Variants in ADGRB1 observed in about 807,000 individuals in gnomAD.
ADGRB1 encodes the protein brain-specific angiogenesis inhibitor 1.
A neutral mutation model predicts 175.7 loss-of-function variants in ADGRB1; 36 were observed. The ratio of observed to expected loss-of-function variants is 0.20; its 90% CI spans 0.16 to 0.27. ADGRB1 has a LOEUF of 0.27. Ranked by LOEUF, ADGRB1 falls within the 10% of genes least tolerant of loss-of-function variation. The pLI, the probability that ADGRB1 is intolerant of heterozygous loss-of-function variation, is 1.00. For missense variants in ADGRB1, 1,731 were observed against 2,255.3 expected (o/e 0.77, Z 4.71); for synonymous variants, 1,054 against 979.4 (o/e 1.08, Z -1.42).
chr8:142,506,508 T>C (rs1842860536), intron 17 of ADGRB1, among the ~76,000 whole-genome samples: 1 of 152,206 alleles, frequency 6.6e-6, no homozygotes, highest in African/African-American at 2.4e-5. Flanking sequence ...GGGACCTCGC[T>C]CTGTGACCCA....
chr8:142,523,166 A>C (rs776528529), intron 22 of ADGRB1, among the ~76,000 whole-genome samples: 1 of 152,132 alleles, frequency 6.6e-6, no homozygotes, highest in Non-Finnish European at 1.5e-5. Flanking sequence ...TGTCACTGAG[A>C]CCCTGAAGGG....
rs1843079131 is a variant in ADGRB1, at chr8:142,511,150, G to A, written c.2817+77G>A. The A allele has an allele frequency of 1.0e-6, 1 of 996,054 alleles. No homozygotes were observed. The allele number at this position is 996,054 out of a possible 1,614,324, so 61.7% of individuals were successfully genotyped here. On this transcript the variant is annotated intron_variant, in intron 18 of 30. Transcript: ENST00000517894. This position sits in a 1 kb window ranked among gnomAD's most constrained non-coding sequence, Gnocchi z 4.5. ...GGGGCTGCCGGCGGGCCTGCGGGTGGGGAGGGCCCGCACCCGTCCTGTCCC... is the reference window on the plus strand; with the variant it reads ...GGGGCTGCCGGCGGGCCTGCGGGTGAGGAGGGCCCGCACCCGTCCTGTCCC...
chr8:142,489,808 C>T (rs956436609), intron 16 of ADGRB1, among the ~76,000 whole-genome samples: 9 of 152,120 alleles, frequency 5.9e-5, no homozygotes, highest in African/African-American at 2.2e-4. Context: ...CACCCTCTGC[C>T]GGCACCGCCA....
intron 23 of ADGRB1, among the ~76,000 whole-genome samples, chr8:142,525,885 C>T (rs1844146473): frequency 6.6e-6 from 1 of 152,100 alleles, no homozygotes; most frequent in Non-Finnish European, 1.5e-5. Context: ...GAGAGTATGG[C>T]CTGAGACTCC....
At chr8:142,454,496 G>A (rs1388470416) in intron 1 of ADGRB1, among the ~76,000 whole-genome samples, 1 of 152,196 alleles carries the variant, frequency 6.6e-6, no homozygotes, top group Non-Finnish European at 1.5e-5. Flanking sequence ...ACACGCAGAG[G>A]GGAAGGAGCG....
At chr8:142,538,942 C>A (rs751320928) in intron 26 of ADGRB1, among the ~76,000 whole-genome samples, 2 of 152,152 alleles carry the variant, frequency 1.3e-5, no homozygotes, top group Non-Finnish European at 2.9e-5. Flanking sequence ...AGCTCCCAGA[C>A]GCCTTGGAGA....
Position 142,481,619 on chromosome 8 carries a change from A to G in ADGRB1, c.2038A>G (p.Ser680Gly). 6.2e-7 allele frequency: 1 copy of G among 1,606,398 alleles called. No homozygotes were observed. The highest frequency in any genetic ancestry group is 1.1e-5 in the South Asian group (1 of 89,240). ...VEISQDGTSYSGDLLSTIDVL... is the reference protein window; with the variant it reads ...VEISQDGTSYGGDLLSTIDVL... ...GATCTCTCAGGACGGGACCAGCTAC[A>G]GTGGGGACCTGCTGTCCACCATCGA... Residue 680 changes from serine (S) to glycine (G), a missense_variant, in exon 11 of 31, where the codon AGT (serine) becomes GGT (glycine). Around this residue, in one of 8 missense-constraint regions of ADGRB1, gnomAD observed 388 missense variants for 630.9 expected, o/e 0.61. Coordinates refer to ENST00000517894, the MANE Select transcript of ADGRB1 (RefSeq NM_001702.3).
intron 2 of ADGRB1, among the ~76,000 whole-genome samples, chr8:142,472,751 G>C (rs1312806626): frequency 3.3e-5 from 5 of 152,160 alleles, no homozygotes; most frequent in African/African-American, 1.2e-4. Flanking sequence ...AACAGGATCA[G>C]GAATTCTGTG....
At chr8:142,539,805 C>A in intron 27 of ADGRB1, 1 of 294,322 alleles carries the variant, frequency 3.4e-6, no homozygotes. Flanking sequence ...CTCCTGCCCA[C>A]CGCCCTCTAG....
intron 18 of ADGRB1, among the ~76,000 whole-genome samples, chr8:142,516,136 C>T (rs530211713): frequency 1.6e-4 from 25 of 151,814 alleles, no homozygotes; most frequent in Non-Finnish European, 3.1e-4. Context: ...GGGCGTCAGT[C>T]GTGTGTGCGG....
intron 19 of ADGRB1, among the ~76,000 whole-genome samples, 151 bp downstream of exon 19, chr8:142,518,392 A>C (rs13281945): frequency 1 from 152,103 of 152,106 alleles, 76,050 homozygotes; most frequent in Middle Eastern, 1. Flanking sequence ...GGAACCAGCC[A>C]TGCTGTGGCC....
At chr8:142,454,530 C>G (rs1374355157) in intron 1 of ADGRB1, among the ~76,000 whole-genome samples, 1 of 152,146 alleles carries the variant, frequency 6.6e-6, no homozygotes, top group Non-Finnish European at 1.5e-5. Flanking sequence ...ACAGACCGCA[C>G]GATCCAGAAG....
At chr8:142,472,266 C>G (rs545016905) in intron 2 of ADGRB1, among the ~76,000 whole-genome samples, 1 of 152,318 alleles carries the variant, frequency 6.6e-6, no homozygotes, top group South Asian at 2.1e-4. Flanking sequence ...GGAAGGACAC[C>G]AGGAGGCCTC....
chr8:142,489,024 C>T lies in ADGRB1; in HGVS notation c.2453-11C>T. ...ATGGCGGGCCGGGGTTGACAGTGCACTTTCTTCCAGAGGCCGATGAAGCAT... is the reference window on the plus strand; with the variant it reads ...ATGGCGGGCCGGGGTTGACAGTGCATTTTCTTCCAGAGGCCGATGAAGCAT... On this transcript the variant is annotated splice_polypyrimidine_tract_variant and intron_variant, in intron 14 of 30. Transcript: ENST00000517894. The T allele has an allele frequency of 4.3e-6, 7 of 1,611,122 alleles. No homozygotes were observed. The highest frequency in any genetic ancestry group is 5.9e-6 in the Non-Finnish European group (7 of 1,179,312).
At chr8:142,533,264 G>T in intron 24 of ADGRB1, 31 bp from the exon 25 acceptor site, 1 of 1,473,482 alleles carries the variant, frequency 6.8e-7, no homozygotes, top group Non-Finnish European at 9.0e-7. Context: ...GCAGGGGCGG[G>T]GGCGGCAGCG....
At chr8:142,533,540 G>A (rs959310011) in intron 25 of ADGRB1, 74 bp downstream of exon 25, 15 of 1,468,758 alleles carry the variant, frequency 1.0e-5, no homozygotes, top group Admixed American at 6.1e-5. Flanking sequence ...CTCCTTCCCC[G>A]AGGACCTCGG....
chr8:142,541,626 C>G (rs1293202425), intron 27 of ADGRB1, among the ~76,000 whole-genome samples: 1 of 152,222 alleles, frequency 6.6e-6, no homozygotes, highest in African/African-American at 2.4e-5. Context: ...CAAGGCCGCC[C>G]TCGCCTGCTC....
intron 27 of ADGRB1, 196 bp downstream of exon 27, chr8:142,539,609 C>T (rs1410323527): frequency 9.3e-6 from 6 of 647,480 alleles, no homozygotes; most frequent in Non-Finnish European, 1.6e-5. Flanking sequence ...CCCCCGTCCA[C>T]TTCCTGAGGC....
chr8:142,489,720 C>T (rs1165346614), intron 16 of ADGRB1, among the ~76,000 whole-genome samples: 2 of 152,192 alleles, frequency 1.3e-5, no homozygotes, highest in African/African-American at 2.4e-5. Context: ...CTGGTCATTC[C>T]GCTTCTGAGA....
Sources: gnomAD v4.1 joint callset for allele counts (sites outside exome capture counted in the v4.1 genomes callset) on GRCh38, gnomAD v4.1.1 for gene constraint, gnomAD v4.1.1 regional missense constraint, Gnocchi (gnomAD v3.1) non-coding constraint, MANE v1.5 for transcripts, NCBI Gene and HGNC (gene_info 2026-07-23, HGNC 2026-07-21) for gene names.